Variants in PTPN12 observed in about 807,000 individuals in gnomAD.
PTPN12 encodes the protein protein tyrosine phosphatase non-receptor type 12, also known as tyrosine-protein phosphatase non-receptor type 12.
In PTPN12, 29 loss-of-function variants were observed where a neutral mutation model predicts 97.6. The ratio of observed to expected loss-of-function variants is 0.30; its 90% confidence interval spans 0.22 to 0.41. The LOEUF (loss-of-function observed/expected upper bound fraction) is 0.41. Among genes scored for constraint, PTPN12 ranks in the 10% least tolerant of loss-of-function variants. The pLI, the probability that PTPN12 is intolerant of heterozygous loss-of-function variation, is 1.00. For synonymous variants in PTPN12, 327 were observed against 300.4 expected, an observed-to-expected ratio of 1.09 and a Z score of -0.91; for missense variants, 819 against 926.0, an observed-to-expected ratio of 0.88 and a Z score of 1.50.
intron 9 of PTPN12, 111 bp from the exon 10 acceptor site, chr7:77,610,654 A>T: frequency 8.9e-7 from 1 of 1,126,416 alleles, no homozygotes; most frequent in Non-Finnish European, 1.3e-6. Context: ...GTGTTCAATA[A>T]ATGTTTGCAG....
intron 12 of PTPN12, among the ~76,000 whole-genome samples, chr7:77,625,986 GA>G (rs1789166509): frequency 5.3e-5 from 8 of 152,314 alleles, no homozygotes; most frequent in Admixed American, 5.2e-4. Flanking sequence ...TGAAACCAGA[GA>G]GAACATTAGC....
intron 1 of PTPN12, chr7:77,537,987 G>GGC (rs1554306835): frequency 1.3e-5 from 13 of 1,001,218 alleles, no homozygotes; most frequent in African/African-American, 5.2e-5. Flanking sequence ...CCGGGGGGGG[G>GGC]GGCTCGCGTT....
intron 5 of PTPN12, among the ~76,000 whole-genome samples, chr7:77,589,808 A>G (rs1252129144): frequency 6.6e-6 from 1 of 152,178 alleles, no homozygotes; most frequent in Non-Finnish European, 1.5e-5. Context: ...TCATTCTCCT[A>G]ATGTTTTAAG....
At chr7:77,623,537 C>T (rs1426065804) in intron 12 of PTPN12, among the ~76,000 whole-genome samples, 3 of 152,214 alleles carry the variant, frequency 2.0e-5, no homozygotes, top group Non-Finnish European at 4.4e-5. Context: ...ATGGCGAAAC[C>T]CTGTCTCTAC....
In PTPN12 at chr7:77,618,523, A is replaced by G. The variant is rs1788829361; in HGVS notation, c.983A>G (p.Glu328Gly). The change falls in exon 12 of 18, where the codon GAA becomes GGA. Residue 328 changes from glutamate (E) to glycine (G), a missense_variant. This residue lies in a region of PTPN12 where 607 missense variants were observed against 577.3 expected (regional missense o/e 1.05). Transcript: ENST00000248594. The stretch of plus-strand genomic sequence containing the variant: ...AACATGGTCAGCTCCATAGAGCCTG[A>G]AAAACAAGATTCTCCTCCTCCAAAA... The part of the protein sequence containing the change: ...TENMVSSIEP[E>G]KQDSPPPKPP... The G allele has an allele frequency of 6.2e-7, 1 of 1,609,982 alleles. No individual in the cohort carries two copies. Among genetic ancestry groups the G allele is most frequent in the Non-Finnish European group, 8.5e-7 (1 of 1,177,030 alleles).
chr7:77,607,083 C>CA (rs1171907605), intron 8 of PTPN12, 152 bp from the exon 9 acceptor site: 1 of 571,912 alleles, frequency 1.7e-6, no homozygotes, highest in African/African-American at 1.9e-5. Flanking sequence ...GCCATGAACA[C>CA]ACTGTAAGTT....
intron 4 of PTPN12, among the ~76,000 whole-genome samples, chr7:77,584,411 A>G (rs1787620014): frequency 6.6e-6 from 1 of 152,230 alleles, no homozygotes; most frequent in Non-Finnish European, 1.5e-5. Flanking sequence ...GGATTGAGAA[A>G]GAGCATGAAG....
At chr7:77,609,163 T>G (rs1788473641) in intron 9 of PTPN12, among the ~76,000 whole-genome samples, 1 of 151,814 alleles carries the variant, frequency 6.6e-6, no homozygotes, top group Non-Finnish European at 1.5e-5. Context: ...GAGGTTGCAG[T>G]GAGCCGAGAT....
chr7:77,570,904 T>A (rs771850237), intron 1 of PTPN12, among the ~76,000 whole-genome samples, 174 bp from the exon 2 acceptor site: 4 of 152,256 alleles, frequency 2.6e-5, no homozygotes, highest in Non-Finnish European at 5.9e-5. Flanking sequence ...ATCTTATGTT[T>A]GCACTTATGC....
chr7:77,607,165 GTCTA>G, intron 8 of PTPN12, 66 bp from the exon 9 acceptor site: 1 of 1,212,360 alleles, frequency 8.2e-7, no homozygotes, highest in Non-Finnish European at 1.2e-6. Flanking sequence ...ATATTAACAT[GTCTA>G]TCCACATTTA....
chr7:77,612,680 C>A (rs1012831231), intron 11 of PTPN12, among the ~76,000 whole-genome samples: 1 of 152,114 alleles, frequency 6.6e-6, no homozygotes, highest in African/African-American at 2.4e-5. Context: ...TCAGGTGATC[C>A]GCCTGCCTCA....
chr7:77,627,762 T>A (rs1217519576), intron 13 of PTPN12, 87 bp downstream of exon 13: 12 of 1,308,292 alleles, frequency 9.2e-6, no homozygotes, highest in African/African-American at 1.5e-5. Flanking sequence ...TTTATTATGT[T>A]TTATTCCACA....
In PTPN12 at chr7:77,550,521, C is replaced by A. The variant is rs1038971218; in HGVS notation, c.99+12876C>A. Among the ~76,000 whole-genome samples, 8 of 152,138 alleles carry A rather than the reference C, an allele frequency of 5.3e-5. No homozygotes were observed. The East Asian group carries it at 1.5e-3, about 29-fold the overall frequency. Reference sequence around the variant, plus strand: ...GAGGGTCCTAGAAATTTAACCATTTCAATGCAGTTTTTTTACATTATTAAC... The same window carrying A: ...GAGGGTCCTAGAAATTTAACCATTTAAATGCAGTTTTTTTACATTATTAAC... On this transcript the variant is annotated intron_variant, in intron 1 of 17. Transcript: ENST00000248594.
chr7:77,545,342 A>T (rs1187533824), intron 1 of PTPN12, among the ~76,000 whole-genome samples: 1 of 152,194 alleles, frequency 6.6e-6, no homozygotes, highest in African/African-American at 2.4e-5. Context: ...AATGGAAACC[A>T]TACTGGTTGT....
chr7:77,572,270 T>C (rs1304515983), intron 2 of PTPN12, among the ~76,000 whole-genome samples: 1 of 152,032 alleles, frequency 6.6e-6, no homozygotes, highest in Admixed American at 6.5e-5. Flanking sequence ...CCCAGCTAAT[T>C]TTTTGTATTT....
chr7:77,573,100 A>AC (rs1554314845), intron 2 of PTPN12, among the ~76,000 whole-genome samples: 2 of 125,074 alleles, frequency 1.6e-5, no homozygotes, highest in South Asian at 3.0e-4. Context: ...AAAAAAACAA[A>AC]AAAACAAAAA....
chr7:77,572,712 T>C (rs1213522578), intron 2 of PTPN12, among the ~76,000 whole-genome samples: 1 of 152,082 alleles, frequency 6.6e-6, no homozygotes, highest in Non-Finnish European at 1.5e-5. Flanking sequence ...TGTGCCTTGG[T>C]TTTGTCATCC....
At chr7:77,569,719 C>G (rs1289305864) in intron 1 of PTPN12, among the ~76,000 whole-genome samples, 3 of 152,048 alleles carry the variant, frequency 2.0e-5, no homozygotes, top group Non-Finnish European at 4.4e-5. Context: ...TGCAGTGGGC[C>G]GAGATCGCAC....
chr7:77,597,832 CTTTA>C lies in PTPN12; in HGVS notation c.493-5_493-2del, dbSNP rs918542423. On this transcript the variant is annotated splice_region_variant and splice_polypyrimidine_tract_variant and intron_variant, in intron 6 of 17. Coordinates refer to ENST00000248594, the MANE Select transcript of PTPN12 (RefSeq NM_002835.4). ...TTTTCACTGACTTAGAAATGTTTCT[CTTTA>C]TTTAGGAGGATGAACAAGCAAGAAC... The C allele has an allele frequency of 2.5e-6, 4 of 1,603,672 alleles. No homozygotes were observed. Among genetic ancestry groups the C allele is most frequent in the Middle Eastern group, 1.7e-4 (1 of 6,040 alleles).
Sources: allele counts gnomAD v4.1 joint callset (sites outside exome capture counted in the v4.1 genomes callset), GRCh38; gene constraint gnomAD v4.1.1; regional missense constraint gnomAD v4.1.1; transcripts MANE v1.5; gene names NCBI Gene and HGNC (gene_info 2026-07-23, HGNC 2026-07-21).